Variants in GPAM observed in about 807,000 individuals in gnomAD.
GPAM encodes glycerol-3-phosphate acyltransferase, mitochondrial.
Under a neutral mutation model 105.0 loss-of-function variants are expected in GPAM, and 56 were observed. The observed-to-expected ratio is 0.53, with a 90% CI of 0.43 to 0.67. The LOEUF is 0.67. GPAM is among the 30% of genes least tolerant of loss of function. The probability of loss-of-function intolerance (pLI) is 0.00; values close to 1 mark genes in which losing one functional copy is unlikely to be tolerated. For missense variants in GPAM, 855 were observed against 989.8 expected (o/e 0.86, Z 1.83); for synonymous variants, 368 against 354.4 (o/e 1.04, Z -0.43).
chr10:112,165,240 T>C (rs1169289078), intron 12 of GPAM, among the ~76,000 whole-genome samples: 1 of 152,172 alleles, frequency 6.6e-6, no homozygotes, highest in Non-Finnish European at 1.5e-5. Context: ...CTCCTTCTCC[T>C]TTACAATTTG....
intron 1 of GPAM, among the ~76,000 whole-genome samples, chr10:112,212,855 T>C (rs555847805): frequency 2.0e-5 from 3 of 152,338 alleles, no homozygotes; most frequent in East Asian, 3.9e-4. Flanking sequence ...ACAGTCAGCT[T>C]CTGGACAATG....
At chr10:112,190,998 C>G (rs1396036586) in intron 1 of GPAM, among the ~76,000 whole-genome samples, 1 of 152,100 alleles carries the variant, frequency 6.6e-6, no homozygotes, top group African/African-American at 2.4e-5. Flanking sequence ...GAACTGTGGC[C>G]AAACATCACG....
At chr10:112,172,446 C>T in intron 8 of GPAM, 128 bp from the exon 9 acceptor site, 1 of 734,466 alleles carries the variant, frequency 1.4e-6, no homozygotes, top group Non-Finnish European at 2.5e-6. Flanking sequence ...AAACATTTTC[C>T]AATAATAGGA....
intron 10 of GPAM, 130 bp from the exon 11 acceptor site, chr10:112,168,654 C>T (rs1847260720): frequency 1.3e-6 from 1 of 741,358 alleles, no homozygotes; most frequent in Admixed American, 2.1e-5. Context: ...ATCTTATTCA[C>T]ACTAATAAAA....
intron 1 of GPAM, among the ~76,000 whole-genome samples, chr10:112,195,070 G>A (rs962777360): frequency 6.7e-4 from 102 of 151,908 alleles, no homozygotes; most frequent in African/African-American, 2.4e-3. Context: ...TTCTGCACTG[G>A]CTACCCATCC....
At chr10:112,165,922 A>G (rs1177642397) in intron 12 of GPAM, among the ~76,000 whole-genome samples, 1 of 152,042 alleles carries the variant, frequency 6.6e-6, no homozygotes, top group Non-Finnish European at 1.5e-5. Context: ...GGTACATGTG[A>G]TATTTTGATA....
chr10:112,218,123 G>A (rs1847988631), upstream of GPAM, among the ~76,000 whole-genome samples: 1 of 152,242 alleles, frequency 6.6e-6, no homozygotes, highest in South Asian at 2.1e-4. Flanking sequence ...ACACAGGTGA[G>A]ATCAACTTGC....
chr10:112,193,193 A>G (rs958388747), intron 1 of GPAM, among the ~76,000 whole-genome samples: 2 of 152,134 alleles, frequency 1.3e-5, no homozygotes, highest in Non-Finnish European at 2.9e-5. Flanking sequence ...ATCAGCAGCA[A>G]CACGAGATCA....
Position 112,150,309 on chromosome 10 carries a change from G to C in GPAM, c.*3241C>G. 1.3e-5 allele frequency: 13 copies of C among 985,032 alleles called. No individual in the cohort carries two copies. The highest frequency in any genetic ancestry group is 1.6e-5 in the Non-Finnish European group (13 of 829,244). The allele number at this position is 985,032 out of a possible 1,614,324, so 61.0% of individuals were successfully genotyped here. On this transcript the variant is annotated 3_prime_UTR_variant, in exon 22 of 22. Transcript: ENST00000348367. ...TTCAAACGTACAATACTTTCTTCTAGATCTGAATTAAAACCTTATTTACCC... is the reference window on the plus strand; with the variant it reads ...TTCAAACGTACAATACTTTCTTCTACATCTGAATTAAAACCTTATTTACCC...
In GPAM at chr10:112,166,501, C is replaced by A. The variant is rs763919989; in HGVS notation, c.1122G>T (p.Lys374Asn). 2 of 1,603,748 alleles carry A rather than the reference C, an allele frequency of 1.2e-6. No individual in the cohort carries two copies. Among genetic ancestry groups the A allele is most frequent in the Non-Finnish European group, 8.5e-7 (1 of 1,170,562 alleles). ...TTGCTACACTCCACAGGCTCTCATT[C>A]TTCTTAGGTTTGCCCTAAATTCCAA... ...YNGEQLGKPK[K>N]NESLWSVARG... Residue 374 changes from lysine (K) to asparagine (N), a missense_variant, in exon 12 of 22, where the codon AAG (lysine) becomes AAT (asparagine). By Grantham distance (94) the Lys-to-Asn change is moderately conservative. Coordinates refer to ENST00000348367, the MANE Select transcript of GPAM (RefSeq NM_001244949.2).
Position 112,153,222 on chromosome 10 carries a change from A to G in GPAM, c.*328T>C. On this transcript the variant is annotated 3_prime_UTR_variant, in exon 22 of 22. Transcript: ENST00000348367. ...ACAGCTACATTTCTGTGTCCATCAC[A>G]GTAATTAGTCCTTAAAAGTTGTACT... 8.6e-7 allele frequency: 1 copy of G among 1,162,042 alleles called. No homozygotes were observed. Among genetic ancestry groups the G allele is most frequent in the South Asian group, 2.0e-5 (1 of 49,884 alleles). 72.0% of individuals were successfully genotyped at this position (1,162,042 alleles called of 1,614,324 possible).
At chr10:112,207,631 C>G (rs1308451673) in intron 1 of GPAM, among the ~76,000 whole-genome samples, 1 of 152,164 alleles carries the variant, frequency 6.6e-6, no homozygotes, top group East Asian at 1.9e-4. Flanking sequence ...ATGGTAGAAA[C>G]TGCCAGAAAC....
intron 8 of GPAM, 50 bp downstream of exon 8, chr10:112,172,920 A>T (rs531867276): frequency 1.0e-6 from 1 of 964,974 alleles, no homozygotes; most frequent in Non-Finnish European, 1.7e-6. Context: ...CCCTAAAACC[A>T]CTCTACAATT....
At position 112,151,260 on chromosome 10, in the gene GPAM, C is replaced by T; in HGVS notation, c.*2290G>A. The stretch of plus-strand genomic sequence containing the variant: ...TGTGGAAGCCATCACTGTTGGAAAA[C>T]AATGAGAATGTATCTTTTAGCAAAA... On this transcript the variant is annotated 3_prime_UTR_variant, in exon 22 of 22. Transcript: ENST00000348367. 1.0e-6 allele frequency: 1 copy of T among 985,690 alleles called. No individual in the cohort carries two copies. The highest frequency in any genetic ancestry group is 1.2e-6 in the Non-Finnish European group (1 of 829,848). 61.1% of individuals were successfully genotyped at this position (985,690 alleles called of 1,614,324 possible).
Position 112,177,033 on chromosome 10 carries a change from T to A in GPAM, c.299+951A>T, listed in dbSNP as rs543828613. Among the ~76,000 whole-genome samples, 67 of 152,252 alleles carry A rather than the reference T, an allele frequency of 4.4e-4. 1 individual carries two copies. Among genetic ancestry groups the A allele is most frequent in the South Asian group, 3.9e-3 (19 of 4,818 alleles). On this transcript the variant is annotated intron_variant, in intron 5 of 21. Coordinates refer to ENST00000348367, the MANE Select transcript of GPAM (RefSeq NM_001244949.2). ...GATCCCTTTTCTTAGGATCTTATCA[T>A]CTTATCAAAAAAAATTCAACGGACC... is the stretch of plus-strand genomic sequence containing the variant.
At chr10:112,166,326 C>T in intron 12 of GPAM, 76 bp downstream of exon 12, 2 of 805,302 alleles carry the variant, frequency 2.5e-6, no homozygotes, top group Non-Finnish European at 4.5e-6. Flanking sequence ...CAGAGAGGTG[C>T]TGTTAAGAGT....
intron 7 of GPAM, among the ~76,000 whole-genome samples, chr10:112,173,381 C>A (rs1009942681): frequency 6.6e-6 from 1 of 152,034 alleles, no homozygotes; most frequent in African/African-American, 2.4e-5. Context: ...CAGAATGATC[C>A]CTCTGATGTA....
intron 1 of GPAM, among the ~76,000 whole-genome samples, chr10:112,207,243 C>A (rs1847862601): frequency 6.6e-6 from 1 of 152,222 alleles, no homozygotes; most frequent in African/African-American, 2.4e-5. Flanking sequence ...ACAGTCCCCA[C>A]ACGAAAAGAC....
chr10:112,207,574 A>C (rs929342381), intron 1 of GPAM, among the ~76,000 whole-genome samples: 2 of 152,252 alleles, frequency 1.3e-5, no homozygotes, highest in African/African-American at 4.8e-5. Context: ...TTATTTTAAT[A>C]ATGAAATAGG....
Sources: allele counts gnomAD v4.1 joint callset (sites outside exome capture counted in the v4.1 genomes callset), GRCh38; gene constraint gnomAD v4.1.1; transcripts MANE v1.5; gene names NCBI Gene and HGNC (gene_info 2026-07-23, HGNC 2026-07-21).